GPR89B: variants seen among roughly 807,000 people sequenced by gnomAD.
GPR89B encodes golgi pH regulator B.
Under a neutral mutation model 52.4 loss-of-function variants are expected in GPR89B, and 25 were observed. The observed-to-expected ratio is 0.48, with a 90% CI of 0.35 to 0.67. The LOEUF (loss-of-function observed/expected upper bound fraction) is 0.67, where lower values mean the gene tolerates loss of function less well. GPR89B is among the 30% of genes least tolerant of loss of function. The pLI is 0.01. For synonymous variants in GPR89B, 52 were observed against 151.2 expected, an observed-to-expected ratio of 0.34 and a Z score of 4.81; for missense variants, 146 against 450.2, an observed-to-expected ratio of 0.32 and a Z score of 6.11.
chr1:148,022,169 G>T, the GPR89B span, among the ~76,000 whole-genome samples: 1 of 151,700 alleles, frequency 6.6e-6, no homozygotes, highest in Non-Finnish European at 1.5e-5. Context: ...TACAGTTCCC[G>T]TAAGCCATGT....
intron 3 of GPR89B, 35 bp from the exon 4 acceptor site, chr1:147,943,403 T>C: frequency 6.3e-7 from 1 of 1,599,660 alleles, no homozygotes; most frequent in Non-Finnish European, 8.5e-7. Context: ...CTGCCCTCTC[T>C]TCCTCCCAGT....
intron 10 of GPR89B, among the ~76,000 whole-genome samples, chr1:147,979,077 C>T (rs1658051098): frequency 6.6e-6 from 1 of 151,564 alleles, no homozygotes; most frequent in Non-Finnish European, 1.5e-5. Flanking sequence ...CACTCATCGC[C>T]TTCCTTGATT....
chr1:147,962,252 C>T (rs1425326813), intron 7 of GPR89B, among the ~76,000 whole-genome samples: 8 of 150,412 alleles, frequency 5.3e-5, no homozygotes, highest in Admixed American at 2.6e-4. Context: ...GGCGAAACCC[C>T]GTCTCTACTA....
the GPR89B span, among the ~76,000 whole-genome samples, chr1:148,013,689 C>T: frequency 6.6e-6 from 1 of 151,986 alleles, no homozygotes; most frequent in Non-Finnish European, 1.5e-5. Context: ...TGAGCCAGCC[C>T]CCTGGACCGG....
chr1:147,928,620 T>C (rs1558025418), intron 1 of GPR89B, 42 bp downstream of exon 1: 6 of 1,612,976 alleles, frequency 3.7e-6, no homozygotes, highest in East Asian at 2.2e-5. Context: ...CCGCCTCCCT[T>C]CACCGAATCG....
chr1:147,987,723 A>G (rs1658769161), intron 11 of GPR89B, among the ~76,000 whole-genome samples: 1 of 152,116 alleles, frequency 6.6e-6, no homozygotes, highest in Admixed American at 6.6e-5. Context: ...TGTTAGTAAT[A>G]GCAGCTCCCT....
chr1:147,970,441 G>A (rs1657332655), intron 10 of GPR89B, among the ~76,000 whole-genome samples: 1 of 151,530 alleles, frequency 6.6e-6, no homozygotes, highest in South Asian at 2.1e-4. Context: ...ACGTTGCAGT[G>A]AGCTAAGATC....
At chr1:147,930,149 CTT>C (rs1281160228) in intron 1 of GPR89B, among the ~76,000 whole-genome samples, 1 of 152,178 alleles carries the variant, frequency 6.6e-6, no homozygotes, top group South Asian at 2.1e-4. Context: ...TAATCATAGA[CTT>C]TCACTTCACA....
rs1293010799 is a variant in GPR89B at position 147,993,354 on chromosome 1, G to A, written c.*437G>A. On this transcript the variant is annotated 3_prime_UTR_variant, in exon 14 of 14. Coordinates refer to ENST00000314163, the MANE Select transcript of GPR89B (RefSeq NM_016334.5). ...AGAGACTGTAACACTTTTGCCTTACGTTCATTTTATCAAGCATAGCTTGGT... is the reference window on the plus strand; with the variant it reads ...AGAGACTGTAACACTTTTGCCTTACATTCATTTTATCAAGCATAGCTTGGT... The A allele has an allele frequency of 2.3e-5, 6 of 264,284 alleles. No homozygotes were observed. Among genetic ancestry groups the A allele is most frequent in the East Asian group, 1.0e-4 (1 of 9,828 alleles). The allele number at this position is 264,284 out of a possible 1,614,324, so 16.4% of individuals were successfully genotyped here.
intron 7 of GPR89B, among the ~76,000 whole-genome samples, chr1:147,963,943 G>T (rs1298933327): frequency 2.0e-5 from 3 of 152,046 alleles, no homozygotes; most frequent in Non-Finnish European, 4.4e-5. Context: ...AATATATACC[G>T]TATGATTCTA....
At chr1:148,004,955 C>G in the GPR89B span, among the ~76,000 whole-genome samples, 6 of 111,878 alleles carry the variant, frequency 5.4e-5, no homozygotes, top group African/African-American at 1.9e-4. Context: ...GTGGTGCACA[C>G]CTGTAGTCCC....
At chr1:147,989,422 AT>A (rs1658895066) in intron 12 of GPR89B, among the ~76,000 whole-genome samples, 2 of 147,516 alleles carry the variant, frequency 1.4e-5, no homozygotes, top group African/African-American at 5.1e-5. Flanking sequence ...GAATTCAACT[AT>A]TTTCTTTTTT....
chr1:148,005,740 C>A, the GPR89B span, among the ~76,000 whole-genome samples: 1 of 152,074 alleles, frequency 6.6e-6, no homozygotes, highest in Non-Finnish European at 1.5e-5. Flanking sequence ...CTTCGATTGT[C>A]TTGCTGGAGC....
At chr1:147,937,872 C>T (rs1363803512) in intron 2 of GPR89B, among the ~76,000 whole-genome samples, 5 of 152,082 alleles carry the variant, frequency 3.3e-5, no homozygotes, top group Middle Eastern at 3.4e-3. Context: ...ACAAAGATGA[C>T]GGGATTAAGA....
chr1:147,949,831 C>A (rs1655426281), intron 5 of GPR89B, among the ~76,000 whole-genome samples: 1 of 142,208 alleles, frequency 7.0e-6, no homozygotes, highest in Admixed American at 6.8e-5. Context: ...GACGGGGCAG[C>A]TTGCCGGGCA....
At chr1:147,982,859 C>G (rs1308574971) in intron 10 of GPR89B, among the ~76,000 whole-genome samples, 11 of 152,100 alleles carry the variant, frequency 7.2e-5, no homozygotes, top group African/African-American at 2.7e-4. Context: ...AGAGGTCCTT[C>G]GCGTCCCTTG....
chr1:147,990,192 A>G (rs1287018137), intron 12 of GPR89B, among the ~76,000 whole-genome samples: 1 of 152,056 alleles, frequency 6.6e-6, no homozygotes, highest in Non-Finnish European at 1.5e-5. Context: ...TGTGGTTTTG[A>G]TTTGCATTTC....
At chr1:147,932,038 T>A (rs1553247113) in intron 1 of GPR89B, among the ~76,000 whole-genome samples, 2 of 152,190 alleles carry the variant, frequency 1.3e-5, no homozygotes, top group African/African-American at 4.8e-5. Context: ...AACTTAAAAT[T>A]TTTGCTTGTT....
chr1:147,948,121 G>A (rs1553250099), intron 5 of GPR89B, among the ~76,000 whole-genome samples: 1 of 151,000 alleles, frequency 6.6e-6, no homozygotes, highest in Non-Finnish European at 1.5e-5. Flanking sequence ...GAGTGAACAG[G>A]TTGCTGTGAT....
Sources: allele counts gnomAD v4.1 joint callset (sites outside exome capture counted in the v4.1 genomes callset), GRCh38; gene constraint gnomAD v4.1.1; transcripts MANE v1.5; gene names NCBI Gene and HGNC (gene_info 2026-07-23, HGNC 2026-07-21).